FASTKD5: variants seen among roughly 807,000 people sequenced by gnomAD.
FASTKD5 encodes FAST kinase domains 5.
In FASTKD5, 30 loss-of-function variants were observed where a neutral mutation model predicts 44.0. That is an observed-to-expected ratio of 0.68 (90% confidence interval 0.51 to 0.93). The LOEUF (loss-of-function observed/expected upper bound fraction) is 0.93, where lower values mean the gene tolerates loss of function less well. Among genes scored for constraint, FASTKD5 ranks in the 40% least tolerant of loss-of-function variants. The probability of loss-of-function intolerance (pLI) is 0.00; values close to 1 mark genes in which losing one functional copy is unlikely to be tolerated. For missense variants in FASTKD5, 868 were observed against 908.2 expected, an observed-to-expected ratio of 0.96 and a Z score of 0.57; for synonymous variants, 335 against 342.2, an observed-to-expected ratio of 0.98 and a Z score of 0.23.
chr20:3,149,140 G>A lies in FASTKD5; in HGVS notation c.-70C>T, dbSNP rs2066599616. Reference sequence around the variant, plus strand: ...CACAGATTTGACCAGGCAATTTCTTGTTTATATGGTGCTTGATTAGAGCTG... The same window carrying A: ...CACAGATTTGACCAGGCAATTTCTTATTTATATGGTGCTTGATTAGAGCTG... On this transcript the variant is annotated 5_prime_UTR_variant, in exon 2 of 2. It introduces an in-frame stop codon into an upstream open reading frame of the 5' UTR. Coordinates refer to ENST00000380266, the MANE Select transcript of FASTKD5 (RefSeq NM_021826.5). This position sits in a 1 kb window ranked among gnomAD's most constrained non-coding sequence, Gnocchi z 4.1. 1.3e-6 allele frequency: 2 copies of A among 1,506,086 alleles called. No homozygotes were observed. The highest frequency in any genetic ancestry group is 1.8e-6 in the Non-Finnish European group (2 of 1,119,244). 93.3% of individuals were successfully genotyped at this position (1,506,086 alleles called of 1,614,324 possible).
chr20:3,148,864 C>G lies in FASTKD5; in HGVS notation c.207G>C (p.Leu69=). The G allele has an allele frequency of 6.2e-7, 1 of 1,614,174 alleles. No individual in the cohort carries two copies. Among genetic ancestry groups the G allele is most frequent in the Non-Finnish European group, 8.5e-7 (1 of 1,180,042 alleles). Residue 69 remains leucine, a synonymous_variant, in exon 2 of 2, where the codon CTG becomes CTC. Coordinates refer to ENST00000380266, the MANE Select transcript of FASTKD5 (RefSeq NM_021826.5). ...AACCTGGGTGGGCACTGCTGGTTGT[C>G]AGGATTCTCCGAGAAGAGAAGGTGC... The part of the protein sequence containing the change: ...ICSTFSSRRI[L]TTSSAHPGLE...
rs372260638 is a variant in FASTKD5, at chr20:3,147,520, G to A, written c.1551C>T (p.Leu517=). The A allele has an allele frequency of 3.6e-5, 58 of 1,614,018 alleles. No individual in the cohort carries two copies. In the East Asian group the frequency reaches 9.8e-4, roughly 27 times the overall value. Residue 517 remains leucine, a synonymous_variant, in exon 2 of 2, where the codon CTC becomes CTT. Coordinates refer to ENST00000380266, the MANE Select transcript of FASTKD5 (RefSeq NM_021826.5). ...KFDLLKELYT[L]DGTVGIECPD... Reference sequence around the variant, plus strand: ...GACACTCAATGCCAACTGTACCATCGAGGGTATATAGTTCCTTAAGGAGGT... The same window carrying A: ...GACACTCAATGCCAACTGTACCATCAAGGGTATATAGTTCCTTAAGGAGGT...
chr20:3,158,967 T>C (rs547011035), intron 1 of FASTKD5, among the ~76,000 whole-genome samples: 1 of 152,178 alleles, frequency 6.6e-6, no homozygotes, highest in Non-Finnish European at 1.5e-5. Context: ...CAGTTGGTGC[T>C]AACGCAGCTG....
rs2066564884 is a variant in FASTKD5, at chr20:3,146,541, A to T, written c.*235T>A. The stretch of plus-strand genomic sequence containing the variant: ...GACTTACTTGACCGTAGGACATATT[A>T]AGATGTTTATTATTTACTAAGAGTA... On this transcript the variant is annotated 3_prime_UTR_variant, in exon 2 of 2. Transcript: ENST00000380266. 1 of 482,132 alleles carries T rather than the reference A, an allele frequency of 2.1e-6. No individual in the cohort carries two copies. Among genetic ancestry groups the T allele is most frequent in the Non-Finnish European group, 3.6e-6 (1 of 275,718 alleles). 29.9% of individuals were successfully genotyped at this position (482,132 alleles called of 1,614,324 possible).
chr20:3,148,729 G>A lies in FASTKD5; in HGVS notation c.342C>T (p.Asn114=), dbSNP rs1357933686. The A allele has an allele frequency of 6.2e-7, 1 of 1,614,226 alleles. No individual in the cohort carries two copies. The change falls in exon 2 of 2, where the codon AAC becomes AAT. Residue 114 remains asparagine (N), a synonymous_variant. Coordinates refer to ENST00000380266, the MANE Select transcript of FASTKD5 (RefSeq NM_021826.5). ...EDVEVFDSFE[N]MRVFLQLRPE... is the part of the protein sequence containing the mutation. Reference sequence around the variant, plus strand: ...GTCTTAGCTGTAGGAAAACTCGCATGTTTTCAAAGGAATCAAACACTTCTA... The same window carrying A: ...GTCTTAGCTGTAGGAAAACTCGCATATTTTCAAAGGAATCAAACACTTCTA...
At chr20:3,159,056 A>G (rs1047383658) in intron 1 of FASTKD5, among the ~76,000 whole-genome samples, 1 of 152,174 alleles carries the variant, frequency 6.6e-6, no homozygotes, top group Non-Finnish European at 1.5e-5. Flanking sequence ...AACACAGCTG[A>G]TATGAGGGGA....
In FASTKD5 at chr20:3,147,955, A is replaced by T. The variant is rs766151183; in HGVS notation, c.1116T>A (p.Asn372Lys). 1 of 1,614,244 alleles carries T rather than the reference A, an allele frequency of 6.2e-7. No homozygotes were observed. Among genetic ancestry groups the T allele is most frequent in the Admixed American group, 1.7e-5 (1 of 60,028 alleles). Residue 372 changes from asparagine (N) to lysine (K), a missense_variant, in exon 2 of 2, where the codon AAT becomes AAA. Asn to Lys is a moderately conservative substitution (Grantham distance 94). Transcript: ENST00000380266. ...MFRFTHVDHI[N>K]FMKQIGEIAP... is the part of the protein sequence containing the mutation. ...CTATCTCTCCAATCTGCTTCATGAA[A>T]TTGATGTGATCCACGTGAGTGAAAC...
intron 1 of FASTKD5, among the ~76,000 whole-genome samples, chr20:3,150,136 A>G (rs2066609841): frequency 6.6e-6 from 1 of 152,204 alleles, no homozygotes; most frequent in South Asian, 2.1e-4. Context: ...TACTTTTTAG[A>G]AGATGCCTAC....
At chr20:3,158,684 C>T (rs1331922193) in intron 1 of FASTKD5, among the ~76,000 whole-genome samples, 1 of 152,024 alleles carries the variant, frequency 6.6e-6, no homozygotes, top group East Asian at 1.9e-4. Flanking sequence ...CCATATTAGC[C>T]AAGATGGTCT....
Position 3,149,738 on chromosome 20 carries a change from T to C in FASTKD5, c.-190-478A>G, listed in dbSNP as rs1211482880. 1.3e-5 allele frequency among the ~76,000 whole-genome samples: 2 copies of C among 152,190 alleles called. No homozygotes were observed. The highest frequency in any genetic ancestry group is 2.4e-5 in the African/African-American group (1 of 41,452). On this transcript the variant is annotated intron_variant, in intron 1 of 1. Coordinates refer to ENST00000380266, the MANE Select transcript of FASTKD5 (RefSeq NM_021826.5). The surrounding 1 kb of genome is among the most constrained non-coding windows in gnomAD (Gnocchi z 4.1). ...CTGGTATAAAAGATAATTAGTTGGCTGGGTGTGGGTGGCTCATGCCTGTAA... is the reference window on the plus strand; with the variant it reads ...CTGGTATAAAAGATAATTAGTTGGCCGGGTGTGGGTGGCTCATGCCTGTAA...
intron 1 of FASTKD5, among the ~76,000 whole-genome samples, chr20:3,155,518 G>A (rs367543745): frequency 6.6e-5 from 10 of 151,514 alleles, no homozygotes; most frequent in African/African-American, 2.2e-4. Flanking sequence ...GCAACAGAGC[G>A]AAACTCCATC....
At chr20:3,158,007 G>A (rs1052556246) in intron 1 of FASTKD5, among the ~76,000 whole-genome samples, 43 of 151,874 alleles carry the variant, frequency 2.8e-4, no homozygotes, top group African/African-American at 1.0e-3. Context: ...CTCTCACCCC[G>A]GCAACCTCCC....
In FASTKD5 at chr20:3,147,597, A is replaced by T. The variant is rs1445831679; in HGVS notation, c.1474T>A (p.Phe492Ile). 2.5e-6 allele frequency: 4 copies of T among 1,614,174 alleles called. No homozygotes were observed. The South Asian group carries it at 3.3e-5, about 13-fold the overall frequency. ...CTGACAAACCCTGGACTGAGAGCGA[A>T]ATCAATTAACTCTACTGGAAAGTAC... ...LEYFPVELIDFALSPGFVRLA... is the reference protein window; with the variant it reads ...LEYFPVELIDIALSPGFVRLA... Residue 492 changes from phenylalanine to isoleucine, a missense_variant, in exon 2 of 2, where the codon TTC becomes ATC. Physicochemically the swap from Phe to Ile is conservative, Grantham distance 21 (BLOSUM62 0). Transcript: ENST00000380266.
In FASTKD5 at chr20:3,147,831, C is replaced by T; in HGVS notation, c.1240G>A (p.Val414Met). 6.2e-7 allele frequency: 1 copy of T among 1,614,228 alleles called. No individual in the cohort carries two copies. Among genetic ancestry groups the T allele is most frequent in the Non-Finnish European group, 8.5e-7 (1 of 1,180,032 alleles). Residue 414 changes from valine to methionine, a missense_variant, in exon 2 of 2, where the codon GTG (valine) becomes ATG (methionine). Coordinates refer to ENST00000380266, the MANE Select transcript of FASTKD5 (RefSeq NM_021826.5). ...ACTCTAGGAGGCAAAGACGCAGCCA[C>T]TGCATTCATTACTCCTTCATTCAGG... ...RFLNEGVMNA[V>M]AASLPPRVAH...
At chr20:3,158,881 T>C (rs2066717456) in intron 1 of FASTKD5, among the ~76,000 whole-genome samples, 2 of 152,228 alleles carry the variant, frequency 1.3e-5, no homozygotes, top group Admixed American at 1.3e-4. Flanking sequence ...CAGCCATTCT[T>C]ACTATTCACA....
Position 3,155,685 on chromosome 20 carries a change from T to C in FASTKD5, c.-191+4081A>G, listed in dbSNP as rs545787083. Among the ~76,000 whole-genome samples the C allele has an allele frequency of 2.6e-5, 4 of 152,348 alleles. No individual in the cohort carries two copies. In the South Asian group the frequency reaches 8.3e-4, roughly 32 times the overall value. On this transcript the variant is annotated intron_variant, in intron 1 of 1. Transcript: ENST00000380266. The stretch of plus-strand genomic sequence containing the variant: ...GAAGATATTATGGTATTGTTCAAGA[T>C]AATGAATGGAGAAAGTAGCTTAATA...
At chr20:3,152,564 G>A (rs1342302916) in intron 1 of FASTKD5, among the ~76,000 whole-genome samples, 2 of 152,092 alleles carry the variant, frequency 1.3e-5, no homozygotes, top group Admixed American at 1.3e-4. Flanking sequence ...ACCACAATGT[G>A]CAACTAAAGC....
intron 1 of FASTKD5, among the ~76,000 whole-genome samples, chr20:3,152,738 T>C (rs1169323429): frequency 6.6e-6 from 1 of 151,638 alleles, no homozygotes; most frequent in African/African-American, 2.4e-5. Context: ...GGAAACGCCA[T>C]CTCTACTAAA....
chr20:3,157,784 C>T (rs567288788), intron 1 of FASTKD5, among the ~76,000 whole-genome samples: 48 of 152,304 alleles, frequency 3.2e-4, no homozygotes, highest in East Asian at 7.7e-4. Flanking sequence ...GGTCCAAGTA[C>T]CTATAACTGT....
Sources: gnomAD v4.1 joint callset for allele counts (sites outside exome capture counted in the v4.1 genomes callset) on GRCh38, gnomAD v4.1.1 for gene constraint, Gnocchi (gnomAD v3.1) non-coding constraint, MANE v1.5 for transcripts, NCBI Gene and HGNC (gene_info 2026-07-23, HGNC 2026-07-21) for gene names.